The following ANKRD55 variants were observed in gnomAD, a reference collection of about 807,000 sequenced individuals.
ANKRD55 encodes ankyrin repeat domain-containing protein 55.
ANKRD55 carries 41 observed loss-of-function variants against 60.6 expected under a neutral mutation model. That is an observed-to-expected ratio of 0.68 (90% CI 0.53 to 0.88). ANKRD55 has a LOEUF of 0.88. ANKRD55 is among the 40% of genes least tolerant of loss of function. The pLI is 0.00. For missense variants in ANKRD55, 732 were observed against 767.6 expected, an observed-to-expected ratio of 0.95 and a Z score of 0.55; for synonymous variants, 264 against 290.3, an observed-to-expected ratio of 0.91 and a Z score of 0.92.
chr5:56,232,455 A>C (rs943120099), intron 2 of ANKRD55, among the ~76,000 whole-genome samples: 2 of 152,244 alleles, frequency 1.3e-5, no homozygotes, highest in African/African-American at 4.8e-5. Flanking sequence ...GACAAAAAAA[A>C]TGTGATGTGT....
chr5:56,222,042 G>A (rs752877243), intron 2 of ANKRD55, among the ~76,000 whole-genome samples: 16 of 152,108 alleles, frequency 1.1e-4, no homozygotes, highest in Non-Finnish European at 1.9e-4. Flanking sequence ...CAGATAGACT[G>A]CCTCCTCAAG....
chr5:56,103,165 T>C (rs1470547374), intron 10 of ANKRD55, among the ~76,000 whole-genome samples: 4 of 152,242 alleles, frequency 2.6e-5, no homozygotes, highest in African/African-American at 9.6e-5. Flanking sequence ...ATGGGGTAGA[T>C]GCACTCAGGA....
intron 5 of ANKRD55, among the ~76,000 whole-genome samples, chr5:56,164,967 AGTT>A (rs989343284): frequency 1.3e-4 from 20 of 152,242 alleles, no homozygotes; most frequent in African/African-American, 4.6e-4. Context: ...TTTGTTCAGG[AGTT>A]GTTTCCATCT....
At chr5:56,178,135 T>C (rs1758776230) in intron 3 of ANKRD55, among the ~76,000 whole-genome samples, 1 of 152,068 alleles carries the variant, frequency 6.6e-6, no homozygotes, top group African/African-American at 2.4e-5. Context: ...ACCGGGAAGA[T>C]ATTAAACAGC....
At chr5:56,195,806 A>T (rs946124651) in intron 2 of ANKRD55, among the ~76,000 whole-genome samples, 1 of 152,194 alleles carries the variant, frequency 6.6e-6, no homozygotes, top group African/African-American at 2.4e-5. Context: ...TGAATGGTTT[A>T]TTTGAGAGGA....
chr5:56,183,658 T>C (rs1265529291), intron 2 of ANKRD55, 24 bp from the exon 3 acceptor site: 3 of 1,611,960 alleles, frequency 1.9e-6, no homozygotes, highest in African/African-American at 2.7e-5. Flanking sequence ...ACAGACACAA[T>C]GTTAGTGTGT....
intron 2 of ANKRD55, among the ~76,000 whole-genome samples, chr5:56,222,517 GA>G (rs1315649167): frequency 6.6e-6 from 1 of 152,214 alleles, no homozygotes; most frequent in Non-Finnish European, 1.5e-5. Flanking sequence ...TGAGTTGAGA[GA>G]AAAAGGCTTC....
At chr5:56,215,282 G>A (rs1759776472) in intron 2 of ANKRD55, among the ~76,000 whole-genome samples, 1 of 152,194 alleles carries the variant, frequency 6.6e-6, no homozygotes, top group Non-Finnish European at 1.5e-5. Context: ...CATCACATCA[G>A]TTCCTCCGGT....
intron 3 of ANKRD55, among the ~76,000 whole-genome samples, chr5:56,179,377 G>T (rs1758808647): frequency 6.6e-6 from 1 of 152,096 alleles, no homozygotes; most frequent in Non-Finnish European, 1.5e-5. Flanking sequence ...AAAAAGGAAA[G>T]ATATACACCA....
At chr5:56,164,835 A>G (rs1312608153) in intron 5 of ANKRD55, among the ~76,000 whole-genome samples, 1 of 152,230 alleles carries the variant, frequency 6.6e-6, no homozygotes, top group East Asian at 1.9e-4. Context: ...AAACCTGTGC[A>G]TCTTTGCTTT....
chr5:56,112,577 A>G (rs895361278), intron 9 of ANKRD55, among the ~76,000 whole-genome samples: 1 of 148,736 alleles, frequency 6.7e-6, no homozygotes, highest in Non-Finnish European at 1.5e-5. Context: ...GGAGGAGTGC[A>G]TGACCAAGGT....
At chr5:56,192,183 G>T (rs185681356) in intron 2 of ANKRD55, among the ~76,000 whole-genome samples, 1 of 152,190 alleles carries the variant, frequency 6.6e-6, no homozygotes, top group East Asian at 1.9e-4. Flanking sequence ...CTTACATGAG[G>T]AGCATGTTTT....
intron 2 of ANKRD55, among the ~76,000 whole-genome samples, chr5:56,206,875 C>G (rs1172225023): frequency 6.6e-6 from 1 of 152,200 alleles, no homozygotes; most frequent in Admixed American, 6.5e-5. Flanking sequence ...GGGTACAGCT[C>G]TCAGGGATTA....
rs1756701705 is a variant in ANKRD55 at position 56,111,575 on chromosome 5, G to T, written c.1173C>A (p.Thr391=). ...GATCACCAGGCTGTTCTTGGCAGTT[G>T]GTACCCACGATGCTATCAAAGGTGG... The part of the protein sequence containing the change: ...IITTFDSIVG[T]NCQEQPGDQV... The change falls in exon 10 of 12, where the codon ACC becomes ACA. Residue 391 remains threonine, a synonymous_variant. Coordinates refer to ENST00000341048, the MANE Select transcript of ANKRD55 (RefSeq NM_024669.3). 5 of 1,609,860 alleles carry T rather than the reference G, an allele frequency of 3.1e-6. No individual in the cohort carries two copies. The highest frequency in any genetic ancestry group is 4.2e-6 in the Non-Finnish European group (5 of 1,178,322).
chr5:56,136,616 C>T (rs1051680132), intron 7 of ANKRD55, among the ~76,000 whole-genome samples: 3 of 152,038 alleles, frequency 2.0e-5, no homozygotes, highest in African/African-American at 7.2e-5. Context: ...TGATCACAGA[C>T]CTAAATGTAA....
In ANKRD55 at chr5:56,186,866, A is replaced by G. The variant is rs1758986177; in HGVS notation, c.59-3232T>C. Among the ~76,000 whole-genome samples the G allele has an allele frequency of 2.0e-5, 3 of 152,322 alleles. No individual in the cohort carries two copies. In the South Asian group the frequency reaches 6.2e-4, roughly 32 times the overall value. ...AGCTGGTATCTGGTTGTGTGACCAC[A>G]TCCAAAGATGCTGGTGGTATCACTT... On this transcript the variant is annotated intron_variant, in intron 2 of 11. Transcript: ENST00000341048.
At position 56,139,646 on chromosome 5, in the gene ANKRD55, G is replaced by A. The variant is rs561565559; in HGVS notation, c.612+4155C>T. On this transcript the variant is annotated intron_variant, in intron 7 of 11. Coordinates refer to ENST00000341048, the MANE Select transcript of ANKRD55 (RefSeq NM_024669.3). ...TTACTAATATTCCAGTGTGATTAGA[G>A]CCAAGATTACGTGAGCTTGAGAGGA... Among the ~76,000 whole-genome samples, 108 of 152,310 alleles carry A rather than the reference G, an allele frequency of 7.1e-4. 4 individuals carry two copies. In the South Asian group the frequency reaches 0.021, roughly 29 times the overall value.
intron 7 of ANKRD55, among the ~76,000 whole-genome samples, chr5:56,132,147 G>A (rs915324565): frequency 6.6e-6 from 1 of 151,954 alleles, no homozygotes; most frequent in African/African-American, 2.4e-5. Flanking sequence ...TACCCATGAA[G>A]TGGTATAGTG....
At chr5:56,229,803 G>A (rs1237968149) in intron 2 of ANKRD55, among the ~76,000 whole-genome samples, 1 of 152,222 alleles carries the variant, frequency 6.6e-6, no homozygotes, top group Non-Finnish European at 1.5e-5. Context: ...CCATGTGCAG[G>A]AAGCTTCCTA....
Sources: allele counts gnomAD v4.1 joint callset (sites outside exome capture counted in the v4.1 genomes callset), GRCh38; gene constraint gnomAD v4.1.1; transcripts MANE v1.5; gene names NCBI Gene and HGNC (gene_info 2026-07-23, HGNC 2026-07-21).